NDST4: variants seen among roughly 807,000 people sequenced by gnomAD.
NDST4 encodes the protein N-deacetylase and N-sulfotransferase 4.
In NDST4, 63 loss-of-function variants were observed where a neutral mutation model predicts 100.8. The observed-to-expected ratio is 0.62, with a 90% CI of 0.51 to 0.77. The LOEUF (loss-of-function observed/expected upper bound fraction) is 0.77, where lower values mean the gene tolerates loss of function less well. Among genes scored for constraint, NDST4 ranks in the 30% least tolerant of loss-of-function variants. The pLI, the probability that NDST4 is intolerant of heterozygous loss-of-function variation, is 0.00. For synonymous variants in NDST4, 377 were observed against 361.8 expected, an observed-to-expected ratio of 1.04 and a Z score of -0.48; for missense variants, 943 against 1,018.4, an observed-to-expected ratio of 0.93 and a Z score of 1.01.
In NDST4 at chr4:114,986,830, A is replaced by ATATATATATTTATTTATT. The variant is rs1553959396; in HGVS notation, c.979-9557_979-9556insAATAAATAAATATATATA. Among the ~76,000 whole-genome samples, 115 of 91,920 alleles carry ATATATATATTTATTTATT rather than the reference A, an allele frequency of 1.3e-3. 1 individual carries two copies. The highest frequency in any genetic ancestry group is 4.6e-3 in the African/African-American group (107 of 23,282). 60.3% of individuals were successfully genotyped at this position (91,920 alleles called of 152,430 possible). ...TATATATATATATATATATATATAT[A>ATATATATATTTATTTATT]TATTTTAATATACTATTCCTATAAG... On this transcript the variant is annotated intron_variant, in intron 2 of 13. Coordinates refer to ENST00000264363, the MANE Select transcript of NDST4 (RefSeq NM_022569.3).
At chr4:115,109,086 A>AT (rs1431925135) in intron 1 of NDST4, among the ~76,000 whole-genome samples, 1 of 151,628 alleles carries the variant, frequency 6.6e-6, no homozygotes, top group Non-Finnish European at 1.5e-5. Flanking sequence ...AAGTGGTAAA[A>AT]TAAGAAGAGA....
intron 2 of NDST4, among the ~76,000 whole-genome samples, chr4:114,982,123 T>C (rs1307489581): frequency 6.6e-6 from 1 of 152,204 alleles, no homozygotes; most frequent in African/African-American, 2.4e-5. Flanking sequence ...AAGAATGAAC[T>C]AATACAGAAA....
At chr4:115,049,752 A>G (rs75672923) in intron 2 of NDST4, among the ~76,000 whole-genome samples, 2,801 of 152,222 alleles carry the variant, frequency 0.018, 93 homozygotes, top group African/African-American at 0.064. Context: ...CAGTGAGGTA[A>G]AAGTTGTTGG....
At chr4:115,105,209 GTCAA>G (rs1016356764) in intron 1 of NDST4, among the ~76,000 whole-genome samples, 5 of 152,012 alleles carry the variant, frequency 3.3e-5, no homozygotes, top group African/African-American at 9.7e-5. Flanking sequence ...TCATAATTAG[GTCAA>G]TCAATCTCTG....
At chr4:115,032,956 T>G (rs1385597015) in intron 2 of NDST4, among the ~76,000 whole-genome samples, 1 of 151,738 alleles carries the variant, frequency 6.6e-6, no homozygotes, top group East Asian at 1.9e-4. Flanking sequence ...TGTTTTTGAT[T>G]ACTAATAAGG....
At chr4:114,942,610 T>C (rs1725773893) in intron 4 of NDST4, among the ~76,000 whole-genome samples, 1 of 152,072 alleles carries the variant, frequency 6.6e-6, no homozygotes, top group African/African-American at 2.4e-5. Context: ...TAATAAATTG[T>C]GTCTAGGAAG....
intron 2 of NDST4, among the ~76,000 whole-genome samples, chr4:115,020,058 G>A (rs867760319): frequency 6.6e-6 from 1 of 152,114 alleles, no homozygotes. Flanking sequence ...TTGGAATTGG[G>A]TAACGGATAC....
chr4:114,903,307 C>T (rs947614028), intron 6 of NDST4, among the ~76,000 whole-genome samples: 1 of 152,060 alleles, frequency 6.6e-6, no homozygotes, highest in African/African-American at 2.4e-5. Flanking sequence ...AATTACTTTT[C>T]CTCTCCCACT....
chr4:115,000,741 T>A (rs1727273437), intron 2 of NDST4, among the ~76,000 whole-genome samples: 1 of 152,152 alleles, frequency 6.6e-6, no homozygotes, highest in Non-Finnish European at 1.5e-5. Flanking sequence ...GAAATCTTCA[T>A]CCAAATCTTT....
intron 1 of NDST4, among the ~76,000 whole-genome samples, chr4:115,097,496 C>T (rs1729642850): frequency 6.6e-6 from 1 of 152,116 alleles, no homozygotes; most frequent in Admixed American, 6.6e-5. Flanking sequence ...TACCAGGCAT[C>T]CCATCCATTG....
chr4:114,996,642 A>T (rs1727171275), intron 2 of NDST4, among the ~76,000 whole-genome samples: 1 of 152,074 alleles, frequency 6.6e-6, no homozygotes, highest in Non-Finnish European at 1.5e-5. Flanking sequence ...TACCTGTCAG[A>T]GAATGGTCAG....
At chr4:115,044,956 C>T (rs370261382) in intron 2 of NDST4, among the ~76,000 whole-genome samples, 3 of 150,878 alleles carry the variant, frequency 2.0e-5, no homozygotes, top group Non-Finnish European at 3.0e-5. Flanking sequence ...TGTTAAGTGT[C>T]GACAAAAATG....
intron 13 of NDST4, among the ~76,000 whole-genome samples, chr4:114,828,498 C>T (rs1723128237): frequency 6.6e-6 from 1 of 151,948 alleles, no homozygotes; most frequent in South Asian, 2.1e-4. Flanking sequence ...GTCTCTGAAG[C>T]CTGATCCTTT....
intron 2 of NDST4, among the ~76,000 whole-genome samples, chr4:114,986,105 C>T (rs764785700): frequency 1.3e-5 from 2 of 152,050 alleles, no homozygotes; most frequent in Non-Finnish European, 2.9e-5. Flanking sequence ...AACGTTGATA[C>T]TGATTAAACA....
intron 2 of NDST4, among the ~76,000 whole-genome samples, chr4:115,027,120 G>T (rs1728003751): frequency 6.6e-6 from 1 of 152,124 alleles, no homozygotes; most frequent in Non-Finnish European, 1.5e-5. Flanking sequence ...GGATCCCCAT[G>T]ATATTCTCAG....
At chr4:115,110,225 T>C (rs1729917223) in intron 1 of NDST4, among the ~76,000 whole-genome samples, 1 of 151,962 alleles carries the variant, frequency 6.6e-6, no homozygotes, top group Admixed American at 6.6e-5. Flanking sequence ...CACCTCTAAC[T>C]TCTTAAGCTT....
chr4:115,076,601 T>G lies in NDST4; in HGVS notation c.436A>C (p.Asn146His), dbSNP rs1729189224. 2 of 1,613,928 alleles carry G rather than the reference T, an allele frequency of 1.2e-6. No homozygotes were observed. The highest frequency in any genetic ancestry group is 1.7e-4 in the Middle Eastern group (1 of 6,056). Residue 146 changes from asparagine to histidine, a missense_variant, in exon 2 of 14, where the codon AAT (asparagine) becomes CAT (histidine). Around this residue, in one of 2 missense-constraint regions of NDST4, gnomAD observed 417 missense variants for 384.2 expected, o/e 1.09. Coordinates refer to ENST00000264363, the MANE Select transcript of NDST4 (RefSeq NM_022569.3). Reference protein sequence around the residue: ...ILKYVSMDSWNRELLEKYCVE... With the variant: ...ILKYVSMDSWHRELLEKYCVE... ...CAGTATTTTTCTAAAAGCTCTCGAT[T>G]CCATGAGTCCATGCTGACATACTTC...
At chr4:114,857,392 G>C (rs1428978975) in intron 7 of NDST4, among the ~76,000 whole-genome samples, 3 of 152,166 alleles carry the variant, frequency 2.0e-5, no homozygotes, top group Admixed American at 6.5e-5. Context: ...TGTAAGATGG[G>C]AATGGTATAT....
chr4:114,983,500 T>C (rs1187261673), intron 2 of NDST4, among the ~76,000 whole-genome samples: 1 of 152,192 alleles, frequency 6.6e-6, no homozygotes, highest in African/African-American at 2.4e-5. Flanking sequence ...TAGCCCCTTT[T>C]TTTTGGCCAA....
Sources: allele counts gnomAD v4.1 joint callset (sites outside exome capture counted in the v4.1 genomes callset), GRCh38; gene constraint gnomAD v4.1.1; regional missense constraint gnomAD v4.1.1; transcripts MANE v1.5; gene names NCBI Gene and HGNC (gene_info 2026-07-23, HGNC 2026-07-21).